Variants in INPP4B observed in about 807,000 individuals in gnomAD.
INPP4B encodes the protein inositol polyphosphate-4-phosphatase type II B, also known as inositol polyphosphate 4-phosphatase type II.
In INPP4B, 55 loss-of-function variants were observed where a neutral mutation model predicts 122.5. The ratio of observed to expected loss-of-function variants is 0.45; its 90% CI spans 0.36 to 0.56. The LOEUF (loss-of-function observed/expected upper bound fraction) is 0.56. INPP4B is among the 20% of genes least tolerant of loss of function. The pLI is 0.00. For missense variants in INPP4B, 1,000 were observed against 1,097.7 expected (o/e 0.91, Z 1.26); for synonymous variants, 403 against 388.7 (o/e 1.04, Z -0.43).
chr4:142,427,880 C>A (rs1032067320), intron 5 of INPP4B, among the ~76,000 whole-genome samples: 5 of 151,884 alleles, frequency 3.3e-5, no homozygotes, highest in Non-Finnish European at 5.9e-5. Flanking sequence ...CTCTTCAGCT[C>A]CATTTCCTAA....
intron 7 of INPP4B, among the ~76,000 whole-genome samples, chr4:142,396,154 G>A (rs1799290507): frequency 6.6e-6 from 1 of 152,060 alleles, no homozygotes; most frequent in African/African-American, 2.4e-5. Flanking sequence ...TCAACAAAAT[G>A]TATTATTAAG....
chr4:142,183,321 A>C (rs1393277501), intron 15 of INPP4B, among the ~76,000 whole-genome samples: 1 of 152,208 alleles, frequency 6.6e-6, no homozygotes, highest in Non-Finnish European at 1.5e-5. Context: ...CACAATAATC[A>C]ATTATTAATG....
At chr4:142,199,494 T>G (rs1839774133) in intron 14 of INPP4B, among the ~76,000 whole-genome samples, 1 of 152,018 alleles carries the variant, frequency 6.6e-6, no homozygotes, top group Admixed American at 6.6e-5. Context: ...TGAATTAACT[T>G]TTAATATGCT....
At chr4:142,753,854 T>G (rs1216837914) in intron 1 of INPP4B, among the ~76,000 whole-genome samples, 1 of 152,068 alleles carries the variant, frequency 6.6e-6, no homozygotes, top group African/African-American at 2.4e-5. Flanking sequence ...AGTATACTTA[T>G]TACATGTAAT....
intron 9 of INPP4B, among the ~76,000 whole-genome samples, chr4:142,284,577 C>A (rs1752669926): frequency 6.6e-6 from 1 of 152,004 alleles, no homozygotes; most frequent in Admixed American, 6.6e-5. Context: ...GATTCTTCTT[C>A]TCAGTGAAAC....
chr4:142,359,262 G>A (rs1376089446), intron 7 of INPP4B, among the ~76,000 whole-genome samples: 4 of 151,374 alleles, frequency 2.6e-5, no homozygotes, highest in Non-Finnish European at 4.4e-5. Flanking sequence ...AAACGGCCTT[G>A]GAAAATCCAG....
chr4:142,657,153 G>T (rs1754312870), intron 2 of INPP4B, among the ~76,000 whole-genome samples: 1 of 152,108 alleles, frequency 6.6e-6, no homozygotes, highest in Non-Finnish European at 1.5e-5. Context: ...TGTAAAAAGA[G>T]CTCTAATTAA....
chr4:142,194,807 A>G (rs989982380), intron 14 of INPP4B, among the ~76,000 whole-genome samples: 19 of 152,148 alleles, frequency 1.2e-4, no homozygotes, highest in Non-Finnish European at 1.5e-4. Context: ...CCTTACCTAT[A>G]AATTGTAGTT....
At chr4:142,785,948 G>A (rs1229740465) in intron 1 of INPP4B, among the ~76,000 whole-genome samples, 1 of 152,100 alleles carries the variant, frequency 6.6e-6, no homozygotes, top group Non-Finnish European at 1.5e-5. Context: ...CTTGCATTTA[G>A]AGAAATAAGG....
At position 142,431,263 on chromosome 4, in the gene INPP4B, C is replaced by T; in HGVS notation, c.-4G>A. ...CCCCTTCCTCTTTAATTTCCATGAT[C>T]AACCTTCACAGTTTTAAAATTTTCC... On this transcript the variant is annotated 5_prime_UTR_variant, in exon 4 of 26. Transcript: ENST00000262992. The T allele has an allele frequency of 6.2e-7, 1 of 1,611,456 alleles. No homozygotes were observed. Among genetic ancestry groups the T allele is most frequent in the Non-Finnish European group, 8.5e-7 (1 of 1,177,884 alleles).
chr4:142,291,073 C>T (rs1227234631), intron 9 of INPP4B, among the ~76,000 whole-genome samples: 1 of 152,100 alleles, frequency 6.6e-6, no homozygotes, highest in Non-Finnish European at 1.5e-5. Flanking sequence ...TCTGTCAGTG[C>T]CTCTGTTTCT....
intron 2 of INPP4B, chr4:142,514,264 C>T (rs1391287365): frequency 6.6e-6 from 1 of 152,192 alleles, no homozygotes; most frequent in Non-Finnish European, 1.5e-5. Flanking sequence ...TGTGGTCTTC[C>T]TCAGGTCCAT....
At chr4:142,069,883 A>T (rs1217069129) in intron 25 of INPP4B, among the ~76,000 whole-genome samples, 1 of 152,208 alleles carries the variant, frequency 6.6e-6, no homozygotes, top group Non-Finnish European at 1.5e-5. Context: ...AGATGTATTC[A>T]CAGCCAAAAT....
chr4:142,418,781 A>G (rs1008194482), intron 5 of INPP4B, among the ~76,000 whole-genome samples: 1 of 152,192 alleles, frequency 6.6e-6, no homozygotes, highest in Non-Finnish European at 1.5e-5. Flanking sequence ...TCTAAGTAAA[A>G]TTGAAGCCAT....
At chr4:142,207,364 A>G (rs1166206480) in intron 14 of INPP4B, among the ~76,000 whole-genome samples, 1 of 152,012 alleles carries the variant, frequency 6.6e-6, no homozygotes, top group Non-Finnish European at 1.5e-5. Context: ...GAACCTCCAT[A>G]TTTGTTTTTA....
intron 16 of INPP4B, among the ~76,000 whole-genome samples, chr4:142,170,043 C>T (rs1001573535): frequency 1.3e-5 from 2 of 151,532 alleles, no homozygotes; most frequent in Non-Finnish European, 3.0e-5. Flanking sequence ...TTTATCTATT[C>T]CTTGTTTTTT....
intron 21 of INPP4B, among the ~76,000 whole-genome samples, chr4:142,117,497 G>A (rs1215122774): frequency 6.6e-6 from 1 of 152,102 alleles, no homozygotes; most frequent in South Asian, 2.1e-4. Context: ...GGGATGTAAG[G>A]CTGCTTCAAC....
At chr4:142,066,976 G>C (rs1763886433) in intron 25 of INPP4B, among the ~76,000 whole-genome samples, 3 of 152,162 alleles carry the variant, frequency 2.0e-5, no homozygotes, top group African/African-American at 2.4e-5. Flanking sequence ...AGAGAGTAGT[G>C]GTTCAACCAG....
chr4:142,703,493 T>A (rs1762073177), intron 2 of INPP4B, among the ~76,000 whole-genome samples: 1 of 152,114 alleles, frequency 6.6e-6, no homozygotes, highest in South Asian at 2.1e-4. Flanking sequence ...AACAAGAGCT[T>A]CAGGAGAATA....
Sources: allele counts gnomAD v4.1 joint callset (sites outside exome capture counted in the v4.1 genomes callset), GRCh38; gene constraint gnomAD v4.1.1; transcripts MANE v1.5; gene names NCBI Gene and HGNC (gene_info 2026-07-23, HGNC 2026-07-21).